INCENP: variants seen among roughly 807,000 people sequenced by gnomAD.
INCENP encodes the protein binds and activates aurora-B and -C in vivo and in vitro.
In INCENP, 43 loss-of-function variants were observed where a neutral mutation model predicts 107.3. The observed-to-expected ratio is 0.40, with a 90% confidence interval of 0.31 to 0.52. The LOEUF is 0.52. Ranked by LOEUF, INCENP falls within the 20% of genes least tolerant of loss-of-function variation. The pLI, the probability that INCENP is intolerant of heterozygous loss-of-function variation, is 0.53. For missense variants in INCENP, 1,089 were observed against 1,250.9 expected (o/e 0.87, Z 1.95); for synonymous variants, 488 against 494.4 (o/e 0.99, Z 0.17).
chr11:62,127,047 T>TG (rs887771984), intron 1 of INCENP, among the ~76,000 whole-genome samples: 27 of 151,836 alleles, frequency 1.8e-4, no homozygotes, highest in Non-Finnish European at 2.7e-4. Context: ...TGTTTTGTTT[T>TG]TTTTTTTTTG....
intron 3 of INCENP, among the ~76,000 whole-genome samples, 174 bp downstream of exon 3, chr11:62,129,057 G>T (rs1273108223): frequency 1.3e-5 from 2 of 152,140 alleles, no homozygotes; most frequent in Non-Finnish European, 2.9e-5. Context: ...ATGCCACAGG[G>T]AACTATAGCT....
At chr11:62,145,313 C>T (rs1417753197) in intron 13 of INCENP, 24 bp downstream of exon 13, 2 of 1,612,986 alleles carry the variant, frequency 1.2e-6, no homozygotes, top group African/African-American at 2.7e-5. Context: ...CTGTGGAGGC[C>T]CAGGCAATTC....
At chr11:62,132,105 G>A (rs948469150) in intron 4 of INCENP, among the ~76,000 whole-genome samples, 1 of 152,152 alleles carries the variant, frequency 6.6e-6, no homozygotes, top group African/African-American at 2.4e-5. Context: ...TTATCTCAAC[G>A]CATGTTAAAT....
intron 18 of INCENP, among the ~76,000 whole-genome samples, chr11:62,150,507 G>A (rs942363759): frequency 1.3e-5 from 2 of 152,202 alleles, no homozygotes; most frequent in African/African-American, 4.8e-5. Flanking sequence ...CTTGGACTAG[G>A]CCCTTCCTTA....
At chr11:62,131,387 T>C (rs1675062) in intron 4 of INCENP, among the ~76,000 whole-genome samples, 80,400 of 152,060 alleles carry the variant, frequency 0.53, 23,724 homozygotes, top group Non-Finnish European at 0.68. Flanking sequence ...GACTCGGTAA[T>C]GTTAGCTGCT....
Position 62,130,558 on chromosome 11 carries a change from C to T in INCENP, c.1031C>T (p.Ala344Val), listed in dbSNP as rs1480718750. Reference protein sequence around the residue: ...RASRRLAKKTAEEPAASGRII... With the variant: ...RASRRLAKKTVEEPAASGRII... ...AGCAGAAGGCTTGCCAAGAAGACTG[C>T]CGAAGAGCCAGCTGCCTCTGGCCGC... is the stretch of plus-strand genomic sequence containing the variant. Residue 344 changes from alanine to valine, a missense_variant, in exon 4 of 19, where the codon GCC becomes GTC. Transcript: ENST00000394818. 6.2e-7 allele frequency: 1 copy of T among 1,613,360 alleles called. No homozygotes were observed. Among genetic ancestry groups the T allele is most frequent in the Non-Finnish European group, 8.5e-7 (1 of 1,179,728 alleles).
chr11:62,134,289 T>A (rs1465584062), intron 4 of INCENP, among the ~76,000 whole-genome samples: 2 of 151,960 alleles, frequency 1.3e-5, no homozygotes, highest in Non-Finnish European at 2.9e-5. Flanking sequence ...GGCATGTGCC[T>A]GTAGTCCCAG....
In INCENP at chr11:62,150,042, C is replaced by T. The variant is rs752279345; in HGVS notation, c.2392-15C>T. The T allele has an allele frequency of 1.2e-5, 19 of 1,612,682 alleles. No individual in the cohort carries two copies. The highest frequency in any genetic ancestry group is 1.3e-5 in the African/African-American group (1 of 74,908). On this transcript the variant is annotated splice_polypyrimidine_tract_variant and intron_variant, in intron 17 of 18. Coordinates refer to ENST00000394818, the MANE Select transcript of INCENP (RefSeq NM_001040694.2). ...ATGCCATGGAGGGAACTGACGGCCACGTTTGTTTTTGCAGTCTCCAGCTTG... is the reference window on the plus strand; with the variant it reads ...ATGCCATGGAGGGAACTGACGGCCATGTTTGTTTTTGCAGTCTCCAGCTTG...
chr11:62,142,022 G>A (rs944633481), intron 11 of INCENP, among the ~76,000 whole-genome samples: 6 of 152,200 alleles, frequency 3.9e-5, no homozygotes, highest in African/African-American at 1.2e-4. Context: ...ACAGTGGGTG[G>A]TAGCGTCTAG....
chr11:62,149,024 G>A (rs1336228731), intron 17 of INCENP, among the ~76,000 whole-genome samples, 178 bp downstream of exon 17: 1 of 152,168 alleles, frequency 6.6e-6, no homozygotes, highest in East Asian at 1.9e-4. Context: ...ATTTGTTGAG[G>A]TGGGGGATAA....
chr11:62,151,751 G>A lies in INCENP; in HGVS notation c.2543-11G>A, dbSNP rs752737958. On this transcript the variant is annotated splice_polypyrimidine_tract_variant and intron_variant, in intron 18 of 18. Coordinates refer to ENST00000394818, the MANE Select transcript of INCENP (RefSeq NM_001040694.2). ...GCCCCAAGGCAGTGTCTGGTCTGTG[G>A]TCTCCTGCAGGCACCCCGCTCAGCC... 9 of 1,612,558 alleles carry A rather than the reference G, an allele frequency of 5.6e-6. No individual in the cohort carries two copies. In the South Asian group the frequency reaches 7.7e-5, roughly 14 times the overall value.
At chr11:62,139,064 T>C in intron 7 of INCENP, 59 bp downstream of exon 7, 2 of 1,240,446 alleles carry the variant, frequency 1.6e-6, no homozygotes, top group Non-Finnish European at 2.4e-6. Context: ...CTTGGCGGCC[T>C]CGGCCTGACC....
chr11:62,131,990 T>C (rs1282586964), intron 4 of INCENP, among the ~76,000 whole-genome samples: 2 of 152,096 alleles, frequency 1.3e-5, no homozygotes, highest in East Asian at 3.9e-4. Context: ...GGTTTCACCA[T>C]GTTGGCCAGG....
intron 3 of INCENP, among the ~76,000 whole-genome samples, chr11:62,129,211 TG>T (rs1943824815): frequency 6.6e-6 from 1 of 152,072 alleles, no homozygotes; most frequent in African/African-American, 2.4e-5. Context: ...TGACCAGGGG[TG>T]TAGACCACGT....
intron 4 of INCENP, 35 bp from the exon 5 acceptor site, chr11:62,137,797 G>C: frequency 6.2e-7 from 1 of 1,608,746 alleles, no homozygotes; most frequent in South Asian, 1.1e-5. Flanking sequence ...TGTGGTCTCT[G>C]ATGAGATCTT....
At chr11:62,127,283 C>T (rs531979879) in intron 1 of INCENP, among the ~76,000 whole-genome samples, 73 of 152,258 alleles carry the variant, frequency 4.8e-4, no homozygotes, top group African/African-American at 1.7e-3. Flanking sequence ...ATCTACCTGC[C>T]TCGGCCTCCC....
chr11:62,139,330 T>C (rs1339277762), intron 7 of INCENP, among the ~76,000 whole-genome samples: 3 of 152,120 alleles, frequency 2.0e-5, no homozygotes, highest in East Asian at 3.9e-4. Flanking sequence ...GGAAGAGCTG[T>C]GGGCTGGGGA....
intron 4 of INCENP, among the ~76,000 whole-genome samples, chr11:62,134,904 A>G (rs568838730): frequency 6.6e-6 from 1 of 152,260 alleles, no homozygotes; most frequent in East Asian, 1.9e-4. Context: ...ACAAAAAATT[A>G]TCTGGGCGTG....
chr11:62,135,427 G>A (rs770026408), intron 4 of INCENP, among the ~76,000 whole-genome samples: 5 of 151,796 alleles, frequency 3.3e-5, no homozygotes, highest in African/African-American at 4.8e-5. Flanking sequence ...CCGACGCCCG[G>A]ATAATTTTTG....
Sources: gnomAD v4.1 joint callset for allele counts (sites outside exome capture counted in the v4.1 genomes callset) on GRCh38, gnomAD v4.1.1 for gene constraint, MANE v1.5 for transcripts, NCBI Gene and HGNC (gene_info 2026-07-23, HGNC 2026-07-21) for gene names.